Variants in SEMA3A observed in about 807,000 individuals in gnomAD.
SEMA3A encodes the protein semaphorin-3A.
A neutral mutation model predicts 97.9 loss-of-function variants in SEMA3A; 29 were observed. The observed-to-expected ratio is 0.30, with a 90% CI of 0.22 to 0.40. The LOEUF (loss-of-function observed/expected upper bound fraction) is 0.40, where lower values mean the gene tolerates loss of function less well. SEMA3A is among the 10% of genes least tolerant of loss of function. The probability of loss-of-function intolerance (pLI) is 1.00; values close to 1 mark genes in which losing one functional copy is unlikely to be tolerated. For missense variants in SEMA3A, 763 were observed against 951.3 expected (o/e 0.80, Z 2.60); for synonymous variants, 321 against 323.7 (o/e 0.99, Z 0.09).
intron 1 of SEMA3A, among the ~76,000 whole-genome samples, chr7:84,432,635 G>A (rs1165881796): frequency 1.3e-5 from 2 of 151,990 alleles, no homozygotes; most frequent in African/African-American, 4.8e-5. Context: ...CAGAACATAC[G>A]GTATTTTGTT....
intron 3 of SEMA3A, among the ~76,000 whole-genome samples, chr7:84,261,504 A>G (rs2115661549): frequency 6.6e-6 from 1 of 152,298 alleles, no homozygotes; most frequent in Non-Finnish European, 1.5e-5. Flanking sequence ...GATTTTTGGC[A>G]TCTCCATGCT....
intron 5 of SEMA3A, among the ~76,000 whole-genome samples, chr7:84,049,224 A>G (rs1283058310): frequency 7.2e-5 from 11 of 152,034 alleles, no homozygotes; most frequent in Admixed American, 6.6e-4. Flanking sequence ...TATTTTTGGC[A>G]AGAGTTAGAT....
chr7:84,086,461 T>TATAATATATTATTATATTTAC (rs1562769850), intron 4 of SEMA3A, among the ~76,000 whole-genome samples: 2 of 72,846 alleles, frequency 2.7e-5, no homozygotes, highest in African/African-American at 9.1e-5. Context: ...ATTATATTCA[T>TATAATATATTATTATATTTAC]ATATAATATG....
At chr7:84,425,396 T>G (rs1201802249) in intron 1 of SEMA3A, among the ~76,000 whole-genome samples, 1 of 132,528 alleles carries the variant, frequency 7.5e-6, no homozygotes. Flanking sequence ...ATATAATATA[T>G]TCACATAAAT....
intron 12 of SEMA3A, among the ~76,000 whole-genome samples, chr7:83,989,892 C>T (rs1789824282): frequency 6.6e-6 from 1 of 151,082 alleles, no homozygotes; most frequent in South Asian, 2.1e-4. Context: ...GGAATTACCA[C>T]ACTGACTTCC....
In SEMA3A at chr7:83,977,189, T is replaced by C. The variant is rs769074637; in HGVS notation, c.1660A>G (p.Arg554Gly). The C allele has an allele frequency of 6.3e-7, 1 of 1,587,160 alleles. No homozygotes were observed. Among genetic ancestry groups the C allele is most frequent in the Non-Finnish European group, 8.6e-7 (1 of 1,163,218 alleles). The change falls in exon 15 of 17, where the codon AGA becomes GGA. Residue 554 changes from arginine to glycine, a missense_variant. Arg to Gly is a moderately radical substitution (Grantham distance 125). Transcript: ENST00000265362. ...TCTCCATTTCTTATATCTTGTCGTCTTGTGCGTCTGAAGCAATTACATTTA... is the reference window on the plus strand; with the variant it reads ...TCTCCATTTCTTATATCTTGTCGTCCTGTGCGTCTGAAGCAATTACATTTA... ...RYFPTAKRRT[R>G]RQDIRNGDPL...
intron 12 of SEMA3A, among the ~76,000 whole-genome samples, chr7:84,000,384 TAATAG>T: frequency 6.6e-6 from 1 of 152,264 alleles, no homozygotes; most frequent in East Asian, 1.9e-4. Flanking sequence ...TTAAAAATCA[TAATAG>T]AATTATGATT....
At chr7:83,970,094 C>T (rs955606255) in intron 15 of SEMA3A, among the ~76,000 whole-genome samples, 3 of 152,060 alleles carry the variant, frequency 2.0e-5, no homozygotes, top group African/African-American at 7.2e-5. Context: ...ATGGTTAGAA[C>T]AAAATAATTG....
chr7:84,235,573 C>T (rs982803703), intron 3 of SEMA3A, among the ~76,000 whole-genome samples: 16 of 151,800 alleles, frequency 1.1e-4, no homozygotes, highest in Admixed American at 2.0e-4. Context: ...ATACAGTAAA[C>T]GCTATTAATT....
chr7:84,000,063 CA>C (rs1562964300), intron 12 of SEMA3A, among the ~76,000 whole-genome samples: 2 of 151,934 alleles, frequency 1.3e-5, no homozygotes, highest in Non-Finnish European at 2.9e-5. Context: ...GTTTAAAAGA[CA>C]TTTTAGGTTT....
intron 1 of SEMA3A, among the ~76,000 whole-genome samples, chr7:84,424,520 ATG>A (rs201758542): frequency 0.035 from 2,624 of 74,134 alleles, 47 homozygotes; most frequent in East Asian, 0.062. Context: ...ATATTAATAT[ATG>A]TTATATATAA....
At chr7:84,180,712 A>C (rs1402815110) in intron 1 of SEMA3A, among the ~76,000 whole-genome samples, 1 of 152,096 alleles carries the variant, frequency 6.6e-6, no homozygotes, top group African/African-American at 2.4e-5. Flanking sequence ...AAAAATAAAA[A>C]TAAAGAAAAA....
intron 1 of SEMA3A, among the ~76,000 whole-genome samples, chr7:84,372,577 A>C (rs2116107014): frequency 6.6e-6 from 1 of 152,158 alleles, no homozygotes; most frequent in Non-Finnish European, 1.5e-5. Context: ...TAGTGCTGAA[A>C]ACTGCATTCA....
At chr7:84,424,564 A>C (rs1174338070) in intron 1 of SEMA3A, among the ~76,000 whole-genome samples, 1 of 81,732 alleles carries the variant, frequency 1.2e-5, no homozygotes, top group African/African-American at 7.6e-5. Context: ...TATATATAAT[A>C]TATAAATATT....
chr7:83,977,565 A>C (rs2116306168), intron 14 of SEMA3A, among the ~76,000 whole-genome samples: 1 of 151,992 alleles, frequency 6.6e-6, no homozygotes, highest in South Asian at 2.1e-4. Context: ...AATTTAAAAT[A>C]ATAATCCATT....
intron 1 of SEMA3A, among the ~76,000 whole-genome samples, chr7:84,484,391 A>G (rs1228931): frequency 0.062 from 9,474 of 152,252 alleles, 363 homozygotes; most frequent in African/African-American, 0.097. Flanking sequence ...AATTTGTAAT[A>G]AGAGCTTTTT....
chr7:84,190,216 G>T (rs911878382), intron 1 of SEMA3A, among the ~76,000 whole-genome samples: 1 of 151,634 alleles, frequency 6.6e-6, no homozygotes, highest in African/African-American at 2.4e-5. Context: ...ACAAATTGGA[G>T]ATTTTTACAA....
At chr7:84,483,869 C>G (rs1415801601) in intron 1 of SEMA3A, among the ~76,000 whole-genome samples, 1 of 151,860 alleles carries the variant, frequency 6.6e-6, no homozygotes, top group Admixed American at 6.6e-5. Context: ...CATGGTGAAA[C>G]TCGTTTCTAC....
At chr7:84,293,902 C>T (rs556017402) in intron 3 of SEMA3A, among the ~76,000 whole-genome samples, 73 of 152,082 alleles carry the variant, frequency 4.8e-4, no homozygotes, top group African/African-American at 1.6e-3. Context: ...ATATCATACA[C>T]ATTGAATTTG....
Sources: allele counts gnomAD v4.1 joint callset (sites outside exome capture counted in the v4.1 genomes callset), GRCh38; gene constraint gnomAD v4.1.1; transcripts MANE v1.5; gene names NCBI Gene and HGNC (gene_info 2026-07-23, HGNC 2026-07-21).